The following RAD51B variants were observed in gnomAD, a reference collection of about 807,000 sequenced individuals.
RAD51B encodes DNA repair protein RAD51 homolog 2.
A neutral mutation model predicts 42.2 loss-of-function variants in RAD51B; 38 were observed. That is an observed-to-expected ratio of 0.90 (90% CI 0.70 to 1.18). The LOEUF is 1.18. Ranked by LOEUF, RAD51B falls within the 50% of genes most tolerant of loss-of-function variation. RAD51B has a pLI of 0.00. For missense variants in RAD51B, 373 were observed against 400.7 expected (o/e 0.93, Z 0.59); for synonymous variants, 154 against 145.2 (o/e 1.06, Z -0.43).
intron 7 of RAD51B, among the ~76,000 whole-genome samples, chr14:67,910,717 A>C (rs1225382214): frequency 6.6e-6 from 1 of 152,134 alleles, no homozygotes; most frequent in Non-Finnish European, 1.5e-5. Context: ...AGTATAATTT[A>C]TATTGTGCAT....
At chr14:68,114,420 G>C (rs1446146406) in intron 7 of RAD51B, among the ~76,000 whole-genome samples, 1 of 151,942 alleles carries the variant, frequency 6.6e-6, no homozygotes, top group Non-Finnish European at 1.5e-5. Context: ...GGCATTTTTA[G>C]TATCTTTGTG....
intron 7 of RAD51B, among the ~76,000 whole-genome samples, chr14:68,242,603 C>T (rs146009382): frequency 2.6e-5 from 4 of 152,258 alleles, no homozygotes; most frequent in African/African-American, 9.6e-5. Context: ...TCATCATATA[C>T]TTTTCAAGTA....
At chr14:67,929,931 G>A (rs1332901133) in intron 7 of RAD51B, among the ~76,000 whole-genome samples, 1 of 151,922 alleles carries the variant, frequency 6.6e-6, no homozygotes, top group Non-Finnish European at 1.5e-5. Context: ...ATTACAGGCA[G>A]GAGCCATCGT....
chr14:68,356,943 A>C (rs1298830301), intron 8 of RAD51B, among the ~76,000 whole-genome samples: 1 of 139,376 alleles, frequency 7.2e-6, no homozygotes, highest in Non-Finnish European at 1.5e-5. Flanking sequence ...AGATCCCGCC[A>C]CTGCACTCCA....
chr14:68,067,482 A>AAAAC (rs2076672422), intron 7 of RAD51B, among the ~76,000 whole-genome samples: 2 of 151,644 alleles, frequency 1.3e-5, no homozygotes, highest in African/African-American at 4.8e-5. Context: ...AAAAACAAAA[A>AAAAC]AAAAAAAACA....
chr14:68,224,851 G>A (rs938435103), intron 7 of RAD51B, among the ~76,000 whole-genome samples: 2 of 151,864 alleles, frequency 1.3e-5, no homozygotes, highest in Admixed American at 6.6e-5. Flanking sequence ...CCGCTGCCAC[G>A]CCCAGCTAAT....
chr14:68,547,091 C>G (rs144488947), intron 10 of RAD51B, among the ~76,000 whole-genome samples: 4 of 152,208 alleles, frequency 2.6e-5, no homozygotes, highest in African/African-American at 9.6e-5. Flanking sequence ...TCCTCACCTC[C>G]TATTACAAAT....
chr14:68,344,386 G>A (rs983257590), intron 8 of RAD51B, among the ~76,000 whole-genome samples: 1 of 152,184 alleles, frequency 6.6e-6, no homozygotes, highest in Non-Finnish European at 1.5e-5. Context: ...AGTGGCTCAC[G>A]CCTGTAATCC....
intron 8 of RAD51B, among the ~76,000 whole-genome samples, chr14:68,360,408 T>G (rs1045211062): frequency 6.6e-6 from 1 of 152,264 alleles, no homozygotes; most frequent in Admixed American, 6.5e-5. Flanking sequence ...CTTCCTTTCA[T>G]TGGCTGACAT....
intron 4 of RAD51B, among the ~76,000 whole-genome samples, chr14:67,850,366 GT>G (rs879914733): frequency 3.9e-5 from 6 of 152,004 alleles, no homozygotes; most frequent in Non-Finnish European, 8.8e-5. Flanking sequence ...TATTATTATT[GT>G]TTTTTCCCCC....
intron 7 of RAD51B, among the ~76,000 whole-genome samples, chr14:67,944,560 A>G (rs2140189461): frequency 6.6e-6 from 1 of 152,268 alleles, no homozygotes; most frequent in African/African-American, 2.4e-5. Context: ...GTTTACATTA[A>G]AGAGTAACAT....
intron 7 of RAD51B, among the ~76,000 whole-genome samples, chr14:67,984,542 C>T (rs921954053): frequency 3.9e-5 from 6 of 152,116 alleles, no homozygotes; most frequent in Non-Finnish European, 5.9e-5. Context: ...GTATGAATTG[C>T]TAAAGTTTCT....
At chr14:68,589,130 TA>T (rs946083496) in intron 10 of RAD51B, among the ~76,000 whole-genome samples, 1 of 152,198 alleles carries the variant, frequency 6.6e-6, no homozygotes, top group Non-Finnish European at 1.5e-5. Flanking sequence ...ATTCTGGGGA[TA>T]ACAGAATTAC....
At chr14:68,169,552 A>T (rs2078825449) in intron 7 of RAD51B, among the ~76,000 whole-genome samples, 1 of 152,212 alleles carries the variant, frequency 6.6e-6, no homozygotes. Context: ...TATATTTTAA[A>T]TAACATATAC....
At chr14:68,230,392 C>G (rs1219332643) in intron 7 of RAD51B, among the ~76,000 whole-genome samples, 4 of 152,154 alleles carry the variant, frequency 2.6e-5, no homozygotes, top group Non-Finnish European at 5.9e-5. Context: ...TGAGTTCACT[C>G]CAGACATTTT....
chr14:68,413,286 G>C (rs2084466180), intron 9 of RAD51B, among the ~76,000 whole-genome samples: 1 of 152,166 alleles, frequency 6.6e-6, no homozygotes, highest in African/African-American at 2.4e-5. Context: ...GCTTTTGGCT[G>C]ATAAGGTCAA....
At chr14:68,571,384 G>A (rs1446452335) in intron 10 of RAD51B, among the ~76,000 whole-genome samples, 3 of 152,218 alleles carry the variant, frequency 2.0e-5, no homozygotes, top group Non-Finnish European at 4.4e-5. Flanking sequence ...TCAGGGCAGT[G>A]TTCCCTTCTG....
chr14:68,280,159 G>A (rs2081294875), intron 7 of RAD51B, among the ~76,000 whole-genome samples: 1 of 152,206 alleles, frequency 6.6e-6, no homozygotes, highest in South Asian at 2.1e-4. Flanking sequence ...CCTGCCTGAA[G>A]ACTCAGTGTT....
chr14:68,027,997 G>A (rs948155690), intron 7 of RAD51B, among the ~76,000 whole-genome samples: 17 of 152,066 alleles, frequency 1.1e-4, no homozygotes, highest in East Asian at 1.9e-4. Flanking sequence ...GTCAGTTGGC[G>A]TCATTTCTGG....
Sources: gnomAD v4.1 joint callset for allele counts (sites outside exome capture counted in the v4.1 genomes callset) on GRCh38, gnomAD v4.1.1 for gene constraint, MANE v1.5 for transcripts, NCBI Gene and HGNC (gene_info 2026-07-23, HGNC 2026-07-21) for gene names.